CEP63: variants seen among roughly 807,000 people sequenced by gnomAD.
CEP63 encodes centrosomal protein of 63 kDa.
Under a neutral mutation model 89.1 loss-of-function variants are expected in CEP63, and 84 were observed. That is an observed-to-expected ratio of 0.94 (90% CI 0.79 to 1.13). The LOEUF (loss-of-function observed/expected upper bound fraction) is 1.13, where lower values mean the gene tolerates loss of function less well. Among genes scored for constraint, CEP63 ranks in the 50% most tolerant of loss-of-function variants. The pLI is 0.00. For synonymous variants in CEP63, 267 were observed against 272.5 expected (o/e 0.98, Z 0.20); for missense variants, 838 against 813.3 (o/e 1.03, Z -0.37).
the CEP63 span, among the ~76,000 whole-genome samples, chr3:134,642,535 G>A: frequency 1.0e-5 from 1 of 98,304 alleles, no homozygotes; most frequent in African/African-American, 3.0e-5. Flanking sequence ...CCAGTCAACT[G>A]TAGTCAGTGA....
At chr3:134,750,939 T>C in the CEP63 span, among the ~76,000 whole-genome samples, 1 of 152,246 alleles carries the variant, frequency 6.6e-6, no homozygotes, top group African/African-American at 2.4e-5. Context: ...GGATTCACAA[T>C]GGAATTCCTA....
chr3:134,677,501 C>T, the CEP63 span, among the ~76,000 whole-genome samples: 1 of 152,150 alleles, frequency 6.6e-6, no homozygotes, highest in Non-Finnish European at 1.5e-5. Context: ...GCCCACCTAC[C>T]TCCATCTGGG....
chr3:134,601,368 A>T, the CEP63 span, among the ~76,000 whole-genome samples: 3 of 152,124 alleles, frequency 2.0e-5, no homozygotes, highest in African/African-American at 7.2e-5. Context: ...ATGCTCCAGG[A>T]TGTATTGATT....
chr3:134,765,321 G>C, the CEP63 span, among the ~76,000 whole-genome samples: 1 of 152,222 alleles, frequency 6.6e-6, no homozygotes, highest in Non-Finnish European at 1.5e-5. Context: ...ACCAGGCCTT[G>C]GGGATGAGGT....
At chr3:134,504,392 C>CT (rs1052919130) in intron 2 of CEP63, among the ~76,000 whole-genome samples, 13 of 152,234 alleles carry the variant, frequency 8.5e-5, no homozygotes, top group Admixed American at 3.3e-4. Context: ...TATTTGTTTT[C>CT]TTTTAACACT....
chr3:134,654,611 G>C, the CEP63 span, among the ~76,000 whole-genome samples: 1 of 152,302 alleles, frequency 6.6e-6, no homozygotes, highest in East Asian at 1.9e-4. Flanking sequence ...CTCAGCCAGT[G>C]TAGGCTTCCC....
chr3:134,717,901 C>T, the CEP63 span, among the ~76,000 whole-genome samples: 1 of 152,104 alleles, frequency 6.6e-6, no homozygotes, highest in Non-Finnish European at 1.5e-5. Flanking sequence ...TGATGGGAGC[C>T]CACTCTTCCT....
chr3:134,525,612 T>C (rs1427441374), intron 3 of CEP63, among the ~76,000 whole-genome samples: 1 of 152,254 alleles, frequency 6.6e-6, no homozygotes, highest in African/African-American at 2.4e-5. Context: ...GGTTGCTTTA[T>C]AGTATCACTG....
chr3:134,594,977 A>C, the CEP63 span, among the ~76,000 whole-genome samples: 57 of 152,306 alleles, frequency 3.7e-4, 1 homozygote, highest in South Asian at 0.012. Flanking sequence ...CCCCCAGCAC[A>C]TCCTGGGACC....
the CEP63 span, among the ~76,000 whole-genome samples, chr3:134,729,370 T>C: frequency 1.3e-5 from 2 of 152,234 alleles, no homozygotes; most frequent in Non-Finnish European, 2.9e-5. Context: ...CTGTTTCCCA[T>C]CTTTCTTTTC....
the CEP63 span, among the ~76,000 whole-genome samples, chr3:134,689,795 A>G: frequency 6.6e-6 from 1 of 152,144 alleles, no homozygotes; most frequent in African/African-American, 2.4e-5. Context: ...GATTTTATTT[A>G]ATGCATTAAT....
the CEP63 span, among the ~76,000 whole-genome samples, chr3:134,635,460 G>A: frequency 7.6e-6 from 1 of 132,006 alleles, no homozygotes; most frequent in African/African-American, 2.8e-5. Context: ...TCGTGCCACT[G>A]CAGTCCAGCC....
chr3:134,610,718 A>G, the CEP63 span: 8 of 219,118 alleles, frequency 3.7e-5, no homozygotes, highest in Admixed American at 4.6e-4. Context: ...CTTCAGGAGG[A>G]AAAAATGGGG....
the CEP63 span, among the ~76,000 whole-genome samples, chr3:134,748,148 G>A: frequency 6.6e-6 from 1 of 152,138 alleles, no homozygotes; most frequent in Non-Finnish European, 1.5e-5. Context: ...GGCATTTTGT[G>A]TGCTTCTCAG....
chr3:134,508,070 C>T (rs932408765), intron 3 of CEP63, among the ~76,000 whole-genome samples: 22 of 152,312 alleles, frequency 1.4e-4, no homozygotes, highest in African/African-American at 4.3e-4. Flanking sequence ...TTAAGGCTGT[C>T]ATCAGCTTAT....
chr3:134,560,826 T>C (rs903734173), intron 14 of CEP63, among the ~76,000 whole-genome samples: 7 of 152,214 alleles, frequency 4.6e-5, no homozygotes, highest in African/African-American at 1.4e-4. Flanking sequence ...GGTGACTTTA[T>C]AGAACACAAC....
At chr3:134,599,618 G>A in the CEP63 span, among the ~76,000 whole-genome samples, 1 of 152,010 alleles carries the variant, frequency 6.6e-6, no homozygotes, top group African/African-American at 2.4e-5. Flanking sequence ...TTCTCCCACT[G>A]TAAAAATAAA....
chr3:134,537,718 C>G (rs2109250699), intron 6 of CEP63, among the ~76,000 whole-genome samples: 1 of 152,244 alleles, frequency 6.6e-6, no homozygotes, highest in East Asian at 1.9e-4. Flanking sequence ...TGTTGGGTCT[C>G]TCAGCTCTAC....
chr3:134,651,145 C>T, the CEP63 span: 6 of 1,462,618 alleles, frequency 4.1e-6, no homozygotes, highest in South Asian at 1.4e-5. Context: ...CATTAGGGCC[C>T]GCCTGGGAGG....
Sources: allele counts gnomAD v4.1 joint callset (sites outside exome capture counted in the v4.1 genomes callset), GRCh38; gene constraint gnomAD v4.1.1; transcripts MANE v1.5; gene names NCBI Gene and HGNC (gene_info 2026-07-23, HGNC 2026-07-21).